Variants in ORC3 observed in about 807,000 individuals in gnomAD.
ORC3 encodes the protein homolog of latheo, Drosophila.
In ORC3, 78 loss-of-function variants were observed where a neutral mutation model predicts 100.7. The observed-to-expected ratio is 0.77, with a 90% CI of 0.65 to 0.94. The LOEUF is 0.94. Among genes scored for constraint, ORC3 ranks in the 40% least tolerant of loss-of-function variants. The pLI, the probability that ORC3 is intolerant of heterozygous loss-of-function variation, is 0.00. For missense variants in ORC3, 789 were observed against 823.9 expected, an observed-to-expected ratio of 0.96 and a Z score of 0.52; for synonymous variants, 295 against 289.3, an observed-to-expected ratio of 1.02 and a Z score of -0.20.
At position 87,622,007 on chromosome 6, in the gene ORC3, T is replaced by C. The variant is rs1167036408; in HGVS notation, c.1179T>C (p.Tyr393=). The change falls in exon 11 of 20, where the codon TAT becomes TAC. Residue 393 remains tyrosine, a synonymous_variant. Coordinates refer to ENST00000392844, the MANE Select transcript of ORC3 (RefSeq NM_012381.4). The part of the protein sequence containing the change: ...KQVALLTNER[Y]LKEETQLLLE... ...TTGCGCTCTTGACCAATGAGAGATA[T>C]TTGAAGGTAGGAATGTGAATGTGTT... is the stretch of plus-strand genomic sequence containing the variant. 1.9e-6 allele frequency: 3 copies of C among 1,602,862 alleles called. No homozygotes were observed. Among genetic ancestry groups the C allele is most frequent in the African/African-American group, 1.3e-5 (1 of 74,824 alleles).
At chr6:87,633,036 C>G (rs1226706851) in intron 11 of ORC3, among the ~76,000 whole-genome samples, 2 of 152,056 alleles carry the variant, frequency 1.3e-5, no homozygotes, top group Non-Finnish European at 2.9e-5. Context: ...TGCAGTATTG[C>G]CCTATAGTGG....
At chr6:87,614,917 C>G (rs965637511) in intron 8 of ORC3, among the ~76,000 whole-genome samples, 7 of 152,208 alleles carry the variant, frequency 4.6e-5, no homozygotes, top group African/African-American at 1.4e-4. Context: ...CCAACCTCTG[C>G]CTGTCATCCA....
At position 87,602,954 on chromosome 6, in the gene ORC3, AATAT is replaced by A. The variant is rs397935596; in HGVS notation, c.178-416_178-413del. On this transcript the variant is annotated intron_variant, in intron 3 of 19. Transcript: ENST00000392844. The stretch of plus-strand genomic sequence containing the variant: ...CGTTTATATATATATACACATATAT[AATAT>A]ATATATATATATACATATATATATA... Among the ~76,000 whole-genome samples the A allele has an allele frequency of 7.9e-3, 750 of 95,272 alleles. 30 individuals carry two copies. The highest frequency in any genetic ancestry group is 0.03 in the African/African-American group (721 of 23,788). 62.5% of individuals were successfully genotyped at this position (95,272 alleles called of 152,430 possible).
At chr6:87,607,969 T>G in intron 6 of ORC3, 145 bp downstream of exon 6, 1 of 508,482 alleles carries the variant, frequency 2.0e-6, no homozygotes, top group Non-Finnish European at 3.4e-6. Context: ...ATTTATTTTT[T>G]CTAATGCTAC....
intron 19 of ORC3, among the ~76,000 whole-genome samples, chr6:87,666,695 T>C (rs1183296426): frequency 6.6e-6 from 1 of 152,138 alleles, no homozygotes; most frequent in South Asian, 2.1e-4. Flanking sequence ...TGCCTCGGCC[T>C]CCCAAAGTGC....
At chr6:87,610,121 C>G (rs1000900977) in intron 7 of ORC3, among the ~76,000 whole-genome samples, 15 of 152,004 alleles carry the variant, frequency 9.9e-5, no homozygotes, top group Admixed American at 3.9e-4. Flanking sequence ...TTATTTTGGC[C>G]TCTTCTATAT....
intron 11 of ORC3, 85 bp downstream of exon 11, chr6:87,622,098 AACATATT>A: frequency 3.4e-6 from 3 of 888,334 alleles, no homozygotes; most frequent in Non-Finnish European, 5.5e-6. Context: ...GAGTTAATAA[AACATATT>A]TGTGCATCTT....
chr6:87,634,896 T>C lies in ORC3; in HGVS notation c.1237T>C (p.Phe413Leu). 6.2e-7 allele frequency: 1 copy of C among 1,607,864 alleles called. No individual in the cohort carries two copies. The highest frequency in any genetic ancestry group is 1.1e-5 in the South Asian group (1 of 90,962). The change falls in exon 12 of 20, where the codon TTC becomes CTC. Residue 413 changes from phenylalanine to leucine, a missense_variant. Phe to Leu is a conservative substitution (Grantham distance 22). This residue lies in a region of ORC3 where 366 missense variants were observed against 394.2 expected (regional missense o/e 0.93). Transcript: ENST00000392844. ...ENLHVYHMNY[F>L]LVLRCLHKFT... is the part of the protein sequence containing the mutation. ...CCTGCATGTTTATCATATGAATTAC[T>C]TCCTGGTTTTGAGATGTCTTCATAA...
At chr6:87,605,844 A>T (rs1778293741) in intron 4 of ORC3, 73 bp from the exon 5 acceptor site, 2 of 790,410 alleles carry the variant, frequency 2.5e-6, no homozygotes, top group Non-Finnish European at 2.1e-6. Context: ...TTTGCTTGAT[A>T]TGTTAAATAG....
chr6:87,650,346 G>T (rs1397512326), intron 13 of ORC3, among the ~76,000 whole-genome samples: 1 of 151,962 alleles, frequency 6.6e-6, no homozygotes, highest in Non-Finnish European at 1.5e-5. Context: ...GAGCCACCAC[G>T]CCCAGCTCTT....
intron 2 of ORC3, among the ~76,000 whole-genome samples, chr6:87,598,170 C>T (rs541922929): frequency 3.3e-5 from 5 of 152,240 alleles, no homozygotes; most frequent in African/African-American, 1.2e-4. Flanking sequence ...ACTACAGGCT[C>T]ATGTCACCTT....
chr6:87,656,041 A>G (rs1037636923), intron 14 of ORC3, among the ~76,000 whole-genome samples: 1 of 152,186 alleles, frequency 6.6e-6, no homozygotes, highest in Non-Finnish European at 1.5e-5. Flanking sequence ...ACAAAACCCA[A>G]CCTGCACTTG....
At chr6:87,674,784 T>A in the ORC3 span, among the ~76,000 whole-genome samples, 1 of 151,576 alleles carries the variant, frequency 6.6e-6, no homozygotes, top group African/African-American at 2.4e-5. Context: ...GAAGAAGGCA[T>A]TTAGAATCAG....
At chr6:87,617,430 A>G (rs533667701) in intron 9 of ORC3, among the ~76,000 whole-genome samples, 1 of 152,124 alleles carries the variant, frequency 6.6e-6, no homozygotes, top group Non-Finnish European at 1.5e-5. Context: ...CCAGTTGTCT[A>G]GTTCATTAAA....
At chr6:87,597,021 T>C (rs993790389) in intron 2 of ORC3, among the ~76,000 whole-genome samples, 1 of 152,146 alleles carries the variant, frequency 6.6e-6, no homozygotes, top group Non-Finnish European at 1.5e-5. Context: ...TTCCAACTTG[T>C]GGGACTTTGA....
At chr6:87,609,347 A>G (rs942056370) in intron 7 of ORC3, 118 bp downstream of exon 7, 12 of 645,720 alleles carry the variant, frequency 1.9e-5, no homozygotes, top group Non-Finnish European at 2.9e-5. Context: ...AAAGTATTCA[A>G]ATTCTTTATA....
At chr6:87,654,785 A>AT (rs1161545893) in intron 14 of ORC3, among the ~76,000 whole-genome samples, 1 of 152,106 alleles carries the variant, frequency 6.6e-6, no homozygotes, top group African/African-American at 2.4e-5. Flanking sequence ...TGCACATATA[A>AT]TTTTTTCTTC....
At position 87,636,422 on chromosome 6, in the gene ORC3, T is replaced by C. The variant is rs201209204; in HGVS notation, c.1318T>C (p.Cys440Arg). The change falls in exon 13 of 20, where the codon TGT becomes CGT. Residue 440 changes from cysteine (C) to arginine (R), a missense_variant. Around this residue, in one of 3 missense-constraint regions of ORC3, gnomAD observed 366 missense variants for 394.2 expected, o/e 0.93. Transcript: ENST00000392844. ...PLGRQIRELY[C>R]TCLEKNIWDS... is the part of the protein sequence containing the mutation. ...TCCCTTACAGATCAGAGAGTTGTAC[T>C]GTACATGTTTAGAAAAGAACATATG... 6.2e-7 allele frequency: 1 copy of C among 1,606,622 alleles called. No individual in the cohort carries two copies. Among genetic ancestry groups the C allele is most frequent in the Non-Finnish European group, 8.5e-7 (1 of 1,173,150 alleles).
chr6:87,644,063 C>T (rs1235011609), intron 13 of ORC3, among the ~76,000 whole-genome samples: 1 of 138,580 alleles, frequency 7.2e-6, no homozygotes, highest in Non-Finnish European at 1.5e-5. Flanking sequence ...CCCACAGATA[C>T]AGATGGCTGA....
Sources: allele counts gnomAD v4.1 joint callset (sites outside exome capture counted in the v4.1 genomes callset), GRCh38; gene constraint gnomAD v4.1.1; regional missense constraint gnomAD v4.1.1; transcripts MANE v1.5; gene names NCBI Gene and HGNC (gene_info 2026-07-23, HGNC 2026-07-21).